GCLC: variants seen among roughly 807,000 people sequenced by gnomAD.
The protein encoded by GCLC is glutamate--cysteine ligase catalytic subunit.
In GCLC, 30 loss-of-function variants were observed where a neutral mutation model predicts 81.5. The ratio of observed to expected loss-of-function variants is 0.37; its 90% CI spans 0.28 to 0.50. GCLC has a LOEUF of 0.50. Among genes scored for constraint, GCLC ranks in the 20% least tolerant of loss-of-function variants. The probability of loss-of-function intolerance (pLI) is 0.96; values close to 1 mark genes in which losing one functional copy is unlikely to be tolerated. For missense variants in GCLC, 556 were observed against 777.4 expected (o/e 0.72, Z 3.39); for synonymous variants, 262 against 273.3 (o/e 0.96, Z 0.41).
In GCLC at chr6:53,518,118, C is replaced by A. The variant is rs559420359; in HGVS notation, c.447-1896G>T. On this transcript the variant is annotated intron_variant, in intron 3 of 15. Coordinates refer to ENST00000650454, the MANE Select transcript of GCLC (RefSeq NM_001498.4). ...AATTATTGTTTCAAGTCCCAAAATA[C>A]CTTCCTATATGGACAGGGTATAAAA... is the stretch of plus-strand genomic sequence containing the variant. Among the ~76,000 whole-genome samples, 16 of 152,230 alleles carry A rather than the reference C, an allele frequency of 1.1e-4. No individual in the cohort carries two copies. The South Asian group carries it at 2.5e-3, about 24-fold the overall frequency.
intron 3 of GCLC, among the ~76,000 whole-genome samples, chr6:53,518,764 A>G (rs1762932708): frequency 6.6e-6 from 1 of 152,120 alleles, no homozygotes; most frequent in African/African-American, 2.4e-5. Flanking sequence ...GAAATGTACA[A>G]CCCTCTTAAT....
chr6:53,511,263 C>T (rs17881259), intron 6 of GCLC, among the ~76,000 whole-genome samples: 1,838 of 150,906 alleles, frequency 0.012, 18 homozygotes, highest in South Asian at 0.031. Context: ...CCTGAAAGAC[C>T]GGGACCCCAA....
At chr6:53,512,034 C>A (rs944444849) in intron 6 of GCLC, among the ~76,000 whole-genome samples, 3 of 151,418 alleles carry the variant, frequency 2.0e-5, no homozygotes, top group Non-Finnish European at 4.4e-5. Context: ...CTGCAACCTC[C>A]GCCTCCCAGG....
In GCLC at chr6:53,505,398, C is replaced by G; in HGVS notation, c.1389G>C (p.Leu463=). The part of the protein sequence containing the change: ...LSYKLDFLIP[L]SKVDENMKVA... ...TAAAGAAACATATCCTTACCTTTGACAGTGGAATGAGAAAATCCAATTTGT... is the reference window on the plus strand; with the variant it reads ...TAAAGAAACATATCCTTACCTTTGAGAGTGGAATGAGAAAATCCAATTTGT... Residue 463 remains leucine (L), a synonymous_variant, in exon 12 of 16, where the codon CTG becomes CTC. Transcript: ENST00000650454. 6.8e-7 allele frequency: 1 copy of G among 1,460,544 alleles called. No individual in the cohort carries two copies. Among genetic ancestry groups the G allele is most frequent in the Non-Finnish European group, 9.6e-7 (1 of 1,039,988 alleles). 90.5% of individuals were successfully genotyped at this position (1,460,544 alleles called of 1,614,324 possible).
rs575031822 is a variant in GCLC, at chr6:53,512,200, C to T, written c.753+2004G>A. On this transcript the variant is annotated intron_variant, in intron 6 of 15. Transcript: ENST00000650454. Reference sequence around the variant, plus strand: ...CCTCAAGTGATCTGCCCATCTCAGCCTCCCAAAGTGCTGGGATTACAGGCA... The same window carrying T: ...CCTCAAGTGATCTGCCCATCTCAGCTTCCCAAAGTGCTGGGATTACAGGCA... 2.5e-3 allele frequency among the ~76,000 whole-genome samples: 376 copies of T among 152,188 alleles called. 2 individuals carry two copies. The highest frequency in any genetic ancestry group is 8.5e-3 in the African/African-American group (351 of 41,526).
At chr6:53,535,531 T>TA (rs892474592) in intron 1 of GCLC, among the ~76,000 whole-genome samples, 18 of 151,150 alleles carry the variant, frequency 1.2e-4, no homozygotes, top group African/African-American at 4.4e-4. Context: ...AAATAAAAAA[T>TA]AAAAAAAGAG....
intron 4 of GCLC, 38 bp from the exon 5 acceptor site, chr6:53,514,535 A>G (rs1296435207): frequency 7.0e-7 from 1 of 1,433,860 alleles, no homozygotes; most frequent in African/African-American, 1.4e-5. Flanking sequence ...TTGGTCACCT[A>G]AGAGTCATCG....
In GCLC at chr6:53,544,174, G is replaced by C. The variant is rs535505149; in HGVS notation, c.150+322C>G. On this transcript the variant is annotated intron_variant, in intron 1 of 15. Transcript: ENST00000650454. ...GGATCATGGTAGTTGCCGGTCTGCA[G>C]ATACACTAGGTTGAAGACTCGCAGC... 2.0e-5 allele frequency among the ~76,000 whole-genome samples: 3 copies of C among 152,246 alleles called. No individual in the cohort carries two copies. In the East Asian group the frequency reaches 5.8e-4, roughly 29 times the overall value.
At chr6:53,539,929 C>G (rs1226905235) in intron 1 of GCLC, among the ~76,000 whole-genome samples, 1 of 152,214 alleles carries the variant, frequency 6.6e-6, no homozygotes, top group Non-Finnish European at 1.5e-5. Flanking sequence ...TGAGCTCCTA[C>G]TATGTGCAAA....
At chr6:53,514,598 A>C in intron 4 of GCLC, 101 bp from the exon 5 acceptor site, 1 of 861,730 alleles carries the variant, frequency 1.2e-6, no homozygotes, top group South Asian at 1.3e-5. Flanking sequence ...ATCATACCTC[A>C]AATTAGTTAT....
At chr6:53,509,718 G>GGA (rs1417532987) in intron 6 of GCLC, 1 of 187,258 alleles carries the variant, frequency 5.3e-6, no homozygotes, top group Non-Finnish European at 1.1e-5. Flanking sequence ...GCGCGCTCTC[G>GGA]GCTCACTGAA....
At chr6:53,504,673 C>T (rs1764579848) in intron 12 of GCLC, among the ~76,000 whole-genome samples, 1 of 152,108 alleles carries the variant, frequency 6.6e-6, no homozygotes, top group African/African-American at 2.4e-5. Context: ...CTGGCAAACC[C>T]CTCATGGAGG....
In GCLC at chr6:53,497,457, C is replaced by A. The variant is rs1233976350; in HGVS notation, c.*1299G>T. On this transcript the variant is annotated 3_prime_UTR_variant, in exon 16 of 16. Coordinates refer to ENST00000650454, the MANE Select transcript of GCLC (RefSeq NM_001498.4). ...AAATTGCAAACGAAAACCAGGCATT[C>A]TTTAATCATCCAAAATGCATGTATA... 1 of 152,194 alleles carries A rather than the reference C, an allele frequency of 6.6e-6. No individual in the cohort carries two copies. Among genetic ancestry groups the A allele is most frequent in the African/African-American group, 2.4e-5 (1 of 41,456 alleles). The allele number at this position is 152,194 out of a possible 1,614,324, so 9.4% of individuals were successfully genotyped here.
chr6:53,537,174 T>G (rs1177288633), intron 1 of GCLC, among the ~76,000 whole-genome samples: 1 of 152,202 alleles, frequency 6.6e-6, no homozygotes, highest in African/African-American at 2.4e-5. Context: ...TTCTCAAAGG[T>G]GGTGTCTGAA....
chr6:53,524,533 T>C (rs952545816), intron 1 of GCLC, among the ~76,000 whole-genome samples: 1 of 152,140 alleles, frequency 6.6e-6, no homozygotes, highest in South Asian at 2.1e-4. Flanking sequence ...AACTGGCCCA[T>C]CCCTCAGGCC....
chr6:53,501,289 T>A (rs997922533), intron 12 of GCLC: 1 of 153,674 alleles, frequency 6.5e-6, no homozygotes. Context: ...CCTCCCCACT[T>A]TAGTGAGGAA....
intron 1 of GCLC, chr6:53,523,416 A>G (rs1763031692): frequency 1.3e-5 from 2 of 152,262 alleles, no homozygotes; most frequent in African/African-American, 4.8e-5. Context: ...CCCTTTGCAC[A>G]TGGCACCAAT....
intron 1 of GCLC, among the ~76,000 whole-genome samples, chr6:53,530,851 C>T (rs1308663818): frequency 2.0e-5 from 3 of 150,840 alleles, no homozygotes; most frequent in African/African-American, 7.2e-5. Context: ...ACCACCATCC[C>T]TTTCTCTATT....
intron 1 of GCLC, among the ~76,000 whole-genome samples, chr6:53,536,759 A>G (rs1213865752): frequency 2.6e-5 from 4 of 152,226 alleles, no homozygotes; most frequent in Non-Finnish European, 5.9e-5. Context: ...GAAACTACAG[A>G]CAGTACCAAT....
Sources: gnomAD v4.1 joint callset for allele counts (sites outside exome capture counted in the v4.1 genomes callset) on GRCh38, gnomAD v4.1.1 for gene constraint, MANE v1.5 for transcripts, NCBI Gene and HGNC (gene_info 2026-07-23, HGNC 2026-07-21) for gene names.